SF3B1: variants seen among roughly 807,000 people sequenced by gnomAD.
SF3B1 encodes the protein pre-mRNA processing 10.
Under a neutral mutation model 153.8 loss-of-function variants are expected in SF3B1, and 12 were observed. That is an observed-to-expected ratio of 0.08 (90% CI 0.05 to 0.13). SF3B1 has a LOEUF of 0.13. Ranked by LOEUF, SF3B1 falls within the 10% of genes least tolerant of loss-of-function variation. The pLI is 1.00. For missense variants in SF3B1, 513 were observed against 1,606.1 expected (o/e 0.32, Z 11.63); for synonymous variants, 498 against 525.2 (o/e 0.95, Z 0.71).
chr2:197,396,328 G>A lies in SF3B1; in HGVS notation c.3267C>T (p.Gly1089=), dbSNP rs1574524300. Residue 1089 remains glycine, a splice_region_variant and synonymous_variant, in exon 23 of 25, where the codon GGC becomes GGT. Coordinates refer to ENST00000335508, the MANE Select transcript of SF3B1 (RefSeq NM_012433.4). ...GAAGTGTAGCCAATACATCATGAGG[G>A]CTGAAAAAAACAAATGGGTCAACAA... ...NTFGYIAKAI[G]PHDVLATLLN... is the part of the protein sequence containing the mutation. 8.1e-6 allele frequency: 13 copies of A among 1,599,888 alleles called. No individual in the cohort carries two copies. In the East Asian group the frequency reaches 2.7e-4, roughly 33 times the overall value.
chr2:197,403,775 G>C lies in SF3B1; in HGVS notation c.1540-11C>G, dbSNP rs1398045703. 3 of 1,566,618 alleles carry C rather than the reference G, an allele frequency of 1.9e-6. No homozygotes were observed. The highest frequency in any genetic ancestry group is 2.5e-5 in the South Asian group (2 of 81,514). On this transcript the variant is annotated splice_polypyrimidine_tract_variant and intron_variant, in intron 11 of 24. Coordinates refer to ENST00000335508, the MANE Select transcript of SF3B1 (RefSeq NM_012433.4). ...CTGACGCAATGCAGCCTGGGAAAAA[G>C]AGCAGAGTAATAGGTGTGGTTTCTT...
chr2:197,412,538 G>A (rs897390282), intron 6 of SF3B1, among the ~76,000 whole-genome samples: 1 of 151,254 alleles, frequency 6.6e-6, no homozygotes, highest in African/African-American at 2.4e-5. Flanking sequence ...TGTATTTTTA[G>A]TAGAGACGGG....
chr2:197,434,880 A>C lies in SF3B1; in HGVS notation c.28+92T>G, dbSNP rs186386661. On this transcript the variant is annotated intron_variant, in intron 1 of 24. Transcript: ENST00000335508. ...CGAAACGCGGGCTCAGCTCCTACGAAAGAAACCATAGAAAAAGGCAGAATC... is the reference window on the plus strand; with the variant it reads ...CGAAACGCGGGCTCAGCTCCTACGACAGAAACCATAGAAAAAGGCAGAATC... The C allele has an allele frequency of 3.5e-6, 5 of 1,413,648 alleles. No individual in the cohort carries two copies. In the East Asian group the frequency reaches 9.1e-5, roughly 26 times the overall value. 87.6% of individuals were successfully genotyped at this position (1,413,648 alleles called of 1,614,324 possible).
chr2:197,415,902 G>T (rs1254455744), intron 6 of SF3B1, among the ~76,000 whole-genome samples: 1 of 151,818 alleles, frequency 6.6e-6, no homozygotes, highest in African/African-American at 2.4e-5. Flanking sequence ...GGGGATCAAG[G>T]GATCCTCCCA....
In SF3B1 at chr2:197,421,067, C is replaced by A; in HGVS notation, c.262G>T (p.Val88Leu). ...GQKKPGYHAP[V>L]ALLNDIPQST... ...TGTGGTATATCATTAAGCAATGCCACAGGGGCATGATATCCTGGCTTCTTC... is the reference window on the plus strand; with the variant it reads ...TGTGGTATATCATTAAGCAATGCCAAAGGGGCATGATATCCTGGCTTCTTC... Residue 88 changes from valine to leucine, a missense_variant, in exon 3 of 25, where the codon GTG (valine) becomes TTG (leucine). Physicochemically the swap from Val to Leu is conservative, Grantham distance 32. Transcript: ENST00000335508. 1 of 1,613,006 alleles carries A rather than the reference C, an allele frequency of 6.2e-7. No individual in the cohort carries two copies. The highest frequency in any genetic ancestry group is 1.1e-5 in the South Asian group (1 of 90,982).
Position 197,400,448 on chromosome 2 carries a change from TTAA to T in SF3B1, c.2719-17_2719-15del. ...CATTACTGAGTCCTAAAAAATAAAT[TTAA>T]AAAAAAGACATATTCATTTGGTTTA... On this transcript the variant is annotated splice_polypyrimidine_tract_variant and intron_variant, in intron 18 of 24. Transcript: ENST00000335508. This position sits in a 1 kb window ranked among gnomAD's most constrained non-coding sequence, Gnocchi z 5.0. 1 of 1,562,244 alleles carries T rather than the reference TTAA, an allele frequency of 6.4e-7. No homozygotes were observed. Among genetic ancestry groups the T allele is most frequent in the Non-Finnish European group, 8.7e-7 (1 of 1,153,460 alleles).
Position 197,391,203 on chromosome 2 carries a change from G to A in SF3B1, c.*1100C>T, listed in dbSNP as rs998170648. ...TGCTTGGTTCCTCTACCATTAAATG[G>A]CATTTCATTCAGTTTATGCTGAACT... On this transcript the variant is annotated 3_prime_UTR_variant, in exon 25 of 25. Transcript: ENST00000335508. 5 of 152,118 alleles carry A rather than the reference G, an allele frequency of 3.3e-5. No homozygotes were observed. Among genetic ancestry groups the A allele is most frequent in the African/African-American group, 1.2e-4 (5 of 41,406 alleles). The allele number at this position is 152,118 out of a possible 1,614,324, so 9.4% of individuals were successfully genotyped here.
chr2:197,412,247 G>T (rs1031378825), intron 6 of SF3B1, among the ~76,000 whole-genome samples: 8 of 152,010 alleles, frequency 5.3e-5, no homozygotes, highest in African/African-American at 1.7e-4. Flanking sequence ...GGTGGGAAAT[G>T]AATTCTATTA....
At position 197,396,329 on chromosome 2, in the gene SF3B1, C is replaced by A. The variant is rs2105977713; in HGVS notation, c.3267-1G>T. ...AAGTGTAGCCAATACATCATGAGGG[C>A]TGAAAAAAACAAATGGGTCAACAAG... On this transcript the variant is annotated splice_acceptor_variant, in intron 22 of 24. Transcript: ENST00000335508. LOFTEE classifies it high-confidence loss of function. 6.3e-7 allele frequency: 1 copy of A among 1,596,554 alleles called. No homozygotes were observed. Among genetic ancestry groups the A allele is most frequent in the South Asian group, 1.1e-5 (1 of 88,878 alleles).
chr2:197,431,128 T>C (rs1027391278), intron 1 of SF3B1, among the ~76,000 whole-genome samples: 14 of 142,950 alleles, frequency 9.8e-5, no homozygotes, highest in African/African-American at 3.6e-4. Context: ...TTTTTTTTTT[T>C]TTGAGACAGA....
At chr2:197,406,930 A>C (rs2085000646) in intron 9 of SF3B1, among the ~76,000 whole-genome samples, 1 of 152,142 alleles carries the variant, frequency 6.6e-6, no homozygotes, top group South Asian at 2.1e-4. Flanking sequence ...TCTACAAAAA[A>C]TAAAAAAATT....
intron 20 of SF3B1, among the ~76,000 whole-genome samples, chr2:197,399,256 T>C (rs900634162): frequency 6.6e-5 from 10 of 152,190 alleles, no homozygotes; most frequent in South Asian, 2.1e-4. Context: ...GGAGATTATA[T>C]GCAAATACAA....
intron 1 of SF3B1, among the ~76,000 whole-genome samples, chr2:197,434,191 CTCG>C (rs2085485726): frequency 6.6e-6 from 1 of 152,162 alleles, no homozygotes; most frequent in Non-Finnish European, 1.5e-5. Context: ...CTTCTCATGC[CTCG>C]TCTTTTCTGA....
chr2:197,419,251 A>G (rs1402939363), intron 4 of SF3B1: 1 of 371,618 alleles, frequency 2.7e-6, no homozygotes, highest in East Asian at 4.2e-5. Flanking sequence ...CTTTAAATAT[A>G]TTACTTCTAC....
intron 23 of SF3B1, 101 bp from the exon 24 acceptor site, chr2:197,393,289 G>T: frequency 1.3e-6 from 1 of 758,804 alleles, no homozygotes; most frequent in Non-Finnish European, 2.3e-6. Flanking sequence ...ATATTCACCG[G>T]CCCATTAGAA....
intron 23 of SF3B1, 38 bp downstream of exon 23, chr2:197,396,018 T>A (rs1441831107): frequency 1.3e-6 from 2 of 1,507,558 alleles, no homozygotes. Context: ...GAAGGAAGAG[T>A]TATAATTATT....
rs753181134 is a variant in SF3B1, at chr2:197,423,943, G to A, written c.60C>T (p.Gly20=). 2.3e-5 allele frequency: 37 copies of A among 1,610,086 alleles called. No homozygotes were observed. Among genetic ancestry groups the A allele is most frequent in the Non-Finnish European group, 3.1e-5 (37 of 1,179,076 alleles). The change falls in exon 2 of 25, where the codon GGC becomes GGT. Residue 20 remains glycine, a synonymous_variant. Coordinates refer to ENST00000335508, the MANE Select transcript of SF3B1 (RefSeq NM_012433.4). ...DIEAQIREIQ[G]KKAALDEAQG... ...GAGCTTCATCAAGAGCTGCCTTCTT[G>A]CCTTGAATTTCTCGAATCTGTGCTT...
At chr2:197,399,630 CA>C (rs1480479830) in intron 20 of SF3B1, among the ~76,000 whole-genome samples, 1 of 152,032 alleles carries the variant, frequency 6.6e-6, no homozygotes, top group Admixed American at 6.6e-5. Flanking sequence ...AAACTGATCA[CA>C]AGCAAAAAAC....
rs781137768 is a variant in SF3B1 at position 197,399,074 on chromosome 2, G to A, written c.3014-493C>T. On this transcript the variant is annotated intron_variant, in intron 20 of 24. Transcript: ENST00000335508. The stretch of plus-strand genomic sequence containing the variant: ...AGAAAAAAGGAGGCAGCTGGCAGGG[G>A]CTCTTGCTCTAACTAGAATCACTTG... 1.1e-5 allele frequency: 14 copies of A among 1,298,590 alleles called. No individual in the cohort carries two copies. The South Asian group carries it at 1.7e-4, about 16-fold the overall frequency. 80.4% of individuals were successfully genotyped at this position (1,298,590 alleles called of 1,614,324 possible).
Sources: allele counts gnomAD v4.1 joint callset (sites outside exome capture counted in the v4.1 genomes callset), GRCh38; gene constraint gnomAD v4.1.1; non-coding constraint Gnocchi (gnomAD v3.1); transcripts MANE v1.5; gene names NCBI Gene and HGNC (gene_info 2026-07-23, HGNC 2026-07-21).